JAKMIP2: variants seen among roughly 807,000 people sequenced by gnomAD.
JAKMIP2 encodes the protein janus kinase and microtubule interacting protein 2, also known as janus kinase and microtubule-interacting protein 2.
Under a neutral mutation model 115.0 loss-of-function variants are expected in JAKMIP2, and 25 were observed. That is an observed-to-expected ratio of 0.22 (90% CI 0.16 to 0.30). The LOEUF (loss-of-function observed/expected upper bound fraction) is 0.30. JAKMIP2 is among the 10% of genes least tolerant of loss of function. JAKMIP2 has a pLI of 1.00. For missense variants in JAKMIP2, 642 were observed against 957.6 expected, an observed-to-expected ratio of 0.67 and a Z score of 4.35; for synonymous variants, 334 against 343.6, an observed-to-expected ratio of 0.97 and a Z score of 0.31.
intron 12 of JAKMIP2, 47 bp downstream of exon 12, chr5:147,636,175 C>T (rs954161112): frequency 6.6e-7 from 1 of 1,515,992 alleles, no homozygotes; most frequent in Non-Finnish European, 9.2e-7. Flanking sequence ...TCCTGGATCT[C>T]TCATGATTTT....
intron 1 of JAKMIP2, among the ~76,000 whole-genome samples, chr5:147,757,612 A>G (rs991720199): frequency 2.6e-5 from 4 of 152,092 alleles, no homozygotes; most frequent in Middle Eastern, 6.8e-3. Flanking sequence ...CTTATTTCTG[A>G]AAGGAGTGAT....
chr5:147,723,116 G>A (rs1023383917), intron 1 of JAKMIP2, among the ~76,000 whole-genome samples: 7 of 152,042 alleles, frequency 4.6e-5, no homozygotes, highest in African/African-American at 1.7e-4. Context: ...CACTAGTAGG[G>A]TTGGCTTTCC....
intron 1 of JAKMIP2, among the ~76,000 whole-genome samples, chr5:147,750,178 G>A (rs372590464): frequency 3.3e-5 from 5 of 152,078 alleles, no homozygotes; most frequent in East Asian, 1.9e-4. Context: ...CAACCATTGC[G>A]AAATAAACTT....
chr5:147,671,557 G>T (rs1759589547), intron 2 of JAKMIP2, 121 bp downstream of exon 2: 2 of 717,136 alleles, frequency 2.8e-6, no homozygotes, highest in Admixed American at 3.9e-5. Flanking sequence ...AGGGGACGTT[G>T]CCCTCTCTGG....
chr5:147,752,370 T>C (rs1256513189), intron 1 of JAKMIP2, among the ~76,000 whole-genome samples: 1 of 152,078 alleles, frequency 6.6e-6, no homozygotes, highest in Non-Finnish European at 1.5e-5. Context: ...GTTAAGTGAG[T>C]GACATGACCA....
At chr5:147,667,665 T>C (rs754492331) in intron 2 of JAKMIP2, among the ~76,000 whole-genome samples, 1 of 152,164 alleles carries the variant, frequency 6.6e-6, no homozygotes, top group Non-Finnish European at 1.5e-5. Flanking sequence ...TCTAGGAAGA[T>C]TGCTTACAAG....
In JAKMIP2 at chr5:147,585,790, C is replaced by T. The variant is rs1754843768; in HGVS notation, c.*5917G>A. 1 of 152,054 alleles carries T rather than the reference C, an allele frequency of 6.6e-6. No homozygotes were observed. The highest frequency in any genetic ancestry group is 2.4e-5 in the African/African-American group (1 of 41,412). 9.4% of individuals were successfully genotyped at this position (152,054 alleles called of 1,614,324 possible). ...CTTGGCTACATTAACACAGTAAACA[C>T]CTGGGGAATTATGTATTCAAACACA... On this transcript the variant is annotated 3_prime_UTR_variant, in exon 22 of 22. Transcript: ENST00000616793.
At chr5:147,777,101 A>C (rs1365360921) in intron 1 of JAKMIP2, among the ~76,000 whole-genome samples, 1 of 152,182 alleles carries the variant, frequency 6.6e-6, no homozygotes, top group Non-Finnish European at 1.5e-5. Context: ...CAGGGATTTC[A>C]CTGCCTTGGA....
intron 3 of JAKMIP2, among the ~76,000 whole-genome samples, chr5:147,657,968 G>T (rs546248579): frequency 1.2e-3 from 186 of 152,066 alleles, no homozygotes; most frequent in African/African-American, 4.3e-3. Flanking sequence ...TAGCTCACAG[G>T]TGTTTGTTAT....
At chr5:147,672,860 G>A (rs112355731) in intron 1 of JAKMIP2, among the ~76,000 whole-genome samples, 440 of 152,236 alleles carry the variant, frequency 2.9e-3, no homozygotes, top group Non-Finnish European at 5.1e-3. Flanking sequence ...GAAGAAATAG[G>A]GCCTGATTAA....
intron 1 of JAKMIP2, among the ~76,000 whole-genome samples, chr5:147,690,046 C>G (rs1028156174): frequency 7.2e-5 from 11 of 152,144 alleles, no homozygotes; most frequent in African/African-American, 2.7e-4. Context: ...AATGCACTGT[C>G]CATGTAAAGG....
intron 1 of JAKMIP2, among the ~76,000 whole-genome samples, chr5:147,673,068 T>C (rs1192904548): frequency 6.6e-6 from 1 of 151,908 alleles, no homozygotes; most frequent in Non-Finnish European, 1.5e-5. Context: ...GGTGGCAGAA[T>C]GGAGAGAGAA....
chr5:147,732,669 G>T (rs1443084803), intron 1 of JAKMIP2, among the ~76,000 whole-genome samples: 1 of 152,110 alleles, frequency 6.6e-6, no homozygotes, highest in Non-Finnish European at 1.5e-5. Context: ...AACTTTATTT[G>T]CATGATGTCA....
At chr5:147,666,682 C>A (rs1405333019) in intron 2 of JAKMIP2, among the ~76,000 whole-genome samples, 2 of 152,196 alleles carry the variant, frequency 1.3e-5, no homozygotes, top group Non-Finnish European at 2.9e-5. Flanking sequence ...CAGGTAAGTT[C>A]CTACACCTCC....
At chr5:147,595,953 A>G (rs4705183) in intron 21 of JAKMIP2, among the ~76,000 whole-genome samples, 144,672 of 152,096 alleles carry the variant, frequency 0.95, 69,206 homozygotes, top group East Asian at 1. Context: ...AAAGGAAGTC[A>G]AGAAAGATGC....
At chr5:147,716,662 C>CCA (rs1171668963) in intron 1 of JAKMIP2, among the ~76,000 whole-genome samples, 2 of 149,568 alleles carry the variant, frequency 1.3e-5, no homozygotes, top group Admixed American at 1.3e-4. Flanking sequence ...AGTGTCTGTT[C>CCA]ATGTCCTTCG....
At chr5:147,744,018 C>A (rs1209423078) in intron 1 of JAKMIP2, among the ~76,000 whole-genome samples, 101 of 136,870 alleles carry the variant, frequency 7.4e-4, no homozygotes, top group African/African-American at 2.9e-3. Flanking sequence ...TTCCTTCCTT[C>A]CTTCCTTCCT....
intron 1 of JAKMIP2, among the ~76,000 whole-genome samples, chr5:147,716,311 G>T (rs1378369305): frequency 7.4e-6 from 1 of 135,836 alleles, no homozygotes; most frequent in Non-Finnish European, 1.6e-5. Flanking sequence ...ACATACGTGT[G>T]CATGTGTCTT....
chr5:147,593,411 C>T (rs1373374905), intron 21 of JAKMIP2, among the ~76,000 whole-genome samples: 1 of 152,222 alleles, frequency 6.6e-6, no homozygotes, highest in Non-Finnish European at 1.5e-5. Context: ...AAAGAAACAT[C>T]TGCAATCACT....
Sources: gnomAD v4.1 joint callset for allele counts (sites outside exome capture counted in the v4.1 genomes callset) on GRCh38, gnomAD v4.1.1 for gene constraint, MANE v1.5 for transcripts, NCBI Gene and HGNC (gene_info 2026-07-23, HGNC 2026-07-21) for gene names.